Variants in ADCY2 observed in about 807,000 individuals in gnomAD.
The protein encoded by ADCY2 is adenylate cyclase type 2.
In ADCY2, 31 loss-of-function variants were observed where a neutral mutation model predicts 125.2. The observed-to-expected ratio is 0.25, with a 90% CI of 0.19 to 0.33. ADCY2 has a LOEUF of 0.33. Among genes scored for constraint, ADCY2 ranks in the 10% least tolerant of loss-of-function variants. The pLI, the probability that ADCY2 is intolerant of heterozygous loss-of-function variation, is 1.00. For synonymous variants in ADCY2, 512 were observed against 548.4 expected, an observed-to-expected ratio of 0.93 and a Z score of 0.93; for missense variants, 904 against 1,418.2, an observed-to-expected ratio of 0.64 and a Z score of 5.82.
chr5:7,757,984 A>G (rs1743071995), intron 16 of ADCY2, among the ~76,000 whole-genome samples: 1 of 152,180 alleles, frequency 6.6e-6, no homozygotes, highest in Non-Finnish European at 1.5e-5. Flanking sequence ...AATAACTGCA[A>G]TGTCTTAAGG....
chr5:7,584,696 G>A (rs539794256), intron 3 of ADCY2, among the ~76,000 whole-genome samples: 47 of 152,222 alleles, frequency 3.1e-4, no homozygotes, highest in Admixed American at 1.4e-3. Context: ...CTGAGATCTT[G>A]TAAAATTTTT....
Position 7,706,781 on chromosome 5 carries a change from C to A in ADCY2, c.1147C>A (p.Arg383Ser). The A allele has an allele frequency of 6.2e-7, 1 of 1,614,176 alleles. No individual in the cohort carries two copies. Among genetic ancestry groups the A allele is most frequent in the Non-Finnish European group, 8.5e-7 (1 of 1,180,036 alleles). Residue 383 changes from arginine (R) to serine (S), a missense_variant, in exon 8 of 25, where the codon CGC becomes AGC. Arg to Ser is a moderately radical substitution (Grantham distance 110). Coordinates refer to ENST00000338316, the MANE Select transcript of ADCY2 (RefSeq NM_020546.3). ...TGCTACTGGAGTTGATATCAACATG[C>A]GCGTGGGCGTGCATTCTGGGAATGT... ...RDATGVDINM[R>S]VGVHSGNVLC... is the part of the protein sequence containing the mutation.
intron 3 of ADCY2, among the ~76,000 whole-genome samples, chr5:7,623,413 C>CA (rs1738021670): frequency 6.6e-6 from 1 of 152,178 alleles, no homozygotes; most frequent in Non-Finnish European, 1.5e-5. Flanking sequence ...GCATATCCAG[C>CA]AATGACAAGG....
At chr5:7,465,981 A>G (rs1742099863) in intron 2 of ADCY2, among the ~76,000 whole-genome samples, 1 of 152,194 alleles carries the variant, frequency 6.6e-6, no homozygotes, top group Non-Finnish European at 1.5e-5. Flanking sequence ...TGGAAAATAA[A>G]AAGTCTATTT....
chr5:7,738,076 A>T (rs181159421), intron 14 of ADCY2, among the ~76,000 whole-genome samples: 331 of 152,304 alleles, frequency 2.2e-3, no homozygotes, highest in Non-Finnish European at 3.6e-3. Context: ...AGGAAAAAGG[A>T]ATCTAAGGAA....
intron 1 of ADCY2, among the ~76,000 whole-genome samples, chr5:7,402,003 G>A (rs1356294686): frequency 3.3e-5 from 5 of 152,186 alleles, no homozygotes; most frequent in African/African-American, 1.2e-4. Context: ...TGGGTTGGGG[G>A]TGCAAGCACT....
At chr5:7,682,100 T>TCCC in intron 4 of ADCY2, among the ~76,000 whole-genome samples, 1 of 152,200 alleles carries the variant, frequency 6.6e-6, no homozygotes, top group Admixed American at 6.5e-5. Context: ...TAATAATATC[T>TCCC]ACAACATTAA....
At chr5:7,423,282 C>G (rs1579429499) in intron 2 of ADCY2, among the ~76,000 whole-genome samples, 1 of 152,160 alleles carries the variant, frequency 6.6e-6, no homozygotes, top group Non-Finnish European at 1.5e-5. Context: ...GGAGGCATTT[C>G]TGAGTTATCC....
intron 19 of ADCY2, among the ~76,000 whole-genome samples, chr5:7,789,169 A>G (rs748100666): frequency 6.6e-6 from 1 of 152,250 alleles, no homozygotes; most frequent in Non-Finnish European, 1.5e-5. Context: ...CAATGATTAC[A>G]TAATTATACA....
chr5:7,693,965 A>G (rs558321396), intron 5 of ADCY2, among the ~76,000 whole-genome samples: 1 of 152,200 alleles, frequency 6.6e-6, no homozygotes, highest in Non-Finnish European at 1.5e-5. Context: ...CCTCTTGCAC[A>G]ATGGCTCAGC....
chr5:7,429,786 T>C (rs767851928), intron 2 of ADCY2, among the ~76,000 whole-genome samples: 13 of 152,188 alleles, frequency 8.5e-5, no homozygotes, highest in Non-Finnish European at 1.8e-4. Context: ...AGTGATAACA[T>C]TAAATGTTTA....
At chr5:7,637,170 T>C (rs1738537142) in intron 4 of ADCY2, among the ~76,000 whole-genome samples, 1 of 152,118 alleles carries the variant, frequency 6.6e-6, no homozygotes, top group Admixed American at 6.6e-5. Flanking sequence ...TTGATTTTTA[T>C]AGAAAGGCAA....
At chr5:7,482,789 T>TATATATATACATAC (rs1241879068) in intron 2 of ADCY2, among the ~76,000 whole-genome samples, 1 of 143,236 alleles carries the variant, frequency 7.0e-6, no homozygotes, top group Admixed American at 7.0e-5. Context: ...TATATATATA[T>TATATATATACATAC]ATACACACAC....
At chr5:7,440,358 GC>G in intron 2 of ADCY2, among the ~76,000 whole-genome samples, 1 of 152,144 alleles carries the variant, frequency 6.6e-6, no homozygotes, top group East Asian at 1.9e-4. Flanking sequence ...CGCGCACTCA[GC>G]TTTTATGATT....
intron 19 of ADCY2, among the ~76,000 whole-genome samples, chr5:7,786,953 G>C (rs1296079714): frequency 6.6e-6 from 1 of 152,192 alleles, no homozygotes; most frequent in East Asian, 1.9e-4. Flanking sequence ...GGCTGTGCTA[G>C]ATGAGAGCCC....
intron 4 of ADCY2, among the ~76,000 whole-genome samples, chr5:7,661,280 A>G (rs1267767976): frequency 1.3e-5 from 2 of 152,212 alleles, no homozygotes; most frequent in East Asian, 3.8e-4. Flanking sequence ...AAGATTTAAA[A>G]CATATTTTAA....
Position 7,418,587 on chromosome 5 carries a change from C to T in ADCY2, c.408+3817C>T, listed in dbSNP as rs1740049351. Among the ~76,000 whole-genome samples, 7 of 151,668 alleles carry T rather than the reference C, an allele frequency of 4.6e-5. No homozygotes were observed. The South Asian group carries it at 1.5e-3, about 32-fold the overall frequency. ...GTCCTGCCCAACACTTCTAGCTGCCCCTGTCCATTCTATGGGAATGGGGGT... is the reference window on the plus strand; with the variant it reads ...GTCCTGCCCAACACTTCTAGCTGCCTCTGTCCATTCTATGGGAATGGGGGT... On this transcript the variant is annotated intron_variant, in intron 2 of 24. Transcript: ENST00000338316.
rs1363073767 is a variant in ADCY2, at chr5:7,506,913, G to A, written c.409-13825G>A. Among the ~76,000 whole-genome samples, 11 of 144,900 alleles carry A rather than the reference G, an allele frequency of 7.6e-5. No individual in the cohort carries two copies. The East Asian group carries it at 2.3e-3, about 31-fold the overall frequency. Reference sequence around the variant, plus strand: ...CGCCATTCTCCTGCCTCAGCCTCCTGAGTAGCTGGGACTACGGGCACCCGC... The same window carrying A: ...CGCCATTCTCCTGCCTCAGCCTCCTAAGTAGCTGGGACTACGGGCACCCGC... On this transcript the variant is annotated intron_variant, in intron 2 of 24. Coordinates refer to ENST00000338316, the MANE Select transcript of ADCY2 (RefSeq NM_020546.3).
chr5:7,697,215 A>T (rs1740922977), intron 6 of ADCY2, among the ~76,000 whole-genome samples: 1 of 152,066 alleles, frequency 6.6e-6, no homozygotes, highest in African/African-American at 2.4e-5. Flanking sequence ...ATCAGGACTG[A>T]CTTTAATATG....
Sources: gnomAD v4.1 joint callset for allele counts (sites outside exome capture counted in the v4.1 genomes callset) on GRCh38, gnomAD v4.1.1 for gene constraint, MANE v1.5 for transcripts, NCBI Gene and HGNC (gene_info 2026-07-23, HGNC 2026-07-21) for gene names.